Variants in NRP1 observed in about 807,000 individuals in gnomAD.
NRP1 encodes neuropilin 1.
A neutral mutation model predicts 106.7 loss-of-function variants in NRP1; 35 were observed. The observed-to-expected ratio is 0.33, with a 90% CI of 0.25 to 0.43. The LOEUF (loss-of-function observed/expected upper bound fraction) is 0.43, where lower values mean the gene tolerates loss of function less well. Among genes scored for constraint, NRP1 ranks in the 20% least tolerant of loss-of-function variants. The probability of loss-of-function intolerance (pLI) is 1.00; values close to 1 mark genes in which losing one functional copy is unlikely to be tolerated. For missense variants in NRP1, 1,024 were observed against 1,170.4 expected (o/e 0.87, Z 1.83); for synonymous variants, 437 against 417.9 (o/e 1.05, Z -0.56).
At chr10:33,278,238 T>C (rs1843856874) in intron 2 of NRP1, among the ~76,000 whole-genome samples, 2 of 152,162 alleles carry the variant, frequency 1.3e-5, no homozygotes, top group African/African-American at 4.8e-5. Flanking sequence ...TTCCCCACCA[T>C]TGAACTCCTT....
At chr10:33,298,973 G>A (rs1845611553) in intron 2 of NRP1, among the ~76,000 whole-genome samples, 1 of 152,100 alleles carries the variant, frequency 6.6e-6, no homozygotes, top group Non-Finnish European at 1.5e-5. Flanking sequence ...GCACTTATTT[G>A]TGCTGGGAAC....
intron 5 of NRP1, among the ~76,000 whole-genome samples, chr10:33,254,620 A>G (rs1842079716): frequency 1.3e-5 from 2 of 152,336 alleles, no homozygotes; most frequent in South Asian, 4.1e-4. Flanking sequence ...CTCTATGTCT[A>G]GTTACAATTC....
chr10:33,311,052 G>A (rs973845054), intron 2 of NRP1, among the ~76,000 whole-genome samples: 6 of 152,190 alleles, frequency 3.9e-5, no homozygotes, highest in South Asian at 2.1e-4. Flanking sequence ...TGAGTGTAAA[G>A]GGGTTGATTG....
chr10:33,220,104 C>A (rs1283825820), intron 8 of NRP1, among the ~76,000 whole-genome samples: 1 of 152,156 alleles, frequency 6.6e-6, no homozygotes, highest in African/African-American at 2.4e-5. Context: ...ACAAGTCTGT[C>A]TGTGGGATGG....
chr10:33,256,170 TAAA>T, intron 5 of NRP1, 143 bp downstream of exon 5: 1 of 765,476 alleles, frequency 1.3e-6, no homozygotes, highest in Non-Finnish European at 2.1e-6. Context: ...TTGATACTCA[TAAA>T]AAAACATTTA....
At position 33,183,918 on chromosome 10, in the gene NRP1, C is replaced by T. The variant is rs556324380; in HGVS notation, c.2432-1170G>A. Among the ~76,000 whole-genome samples, 52 of 152,320 alleles carry T rather than the reference C, an allele frequency of 3.4e-4. 1 individual carries two copies. In the South Asian group the frequency reaches 7.5e-3, roughly 22 times the overall value. ...TTCCCACTACAATGTCTGGCAGCAA[C>T]TACAGCTAAATGGACAAATCACAAG... On this transcript the variant is annotated intron_variant, in intron 15 of 16. Coordinates refer to ENST00000374867, the MANE Select transcript of NRP1 (RefSeq NM_003873.7).
chr10:33,211,624 T>A (rs1225935961), intron 9 of NRP1: 1 of 152,262 alleles, frequency 6.6e-6, no homozygotes, highest in Non-Finnish European at 1.5e-5. Context: ...GCTCTAGTGG[T>A]AGCCGGTGGC....
Position 33,268,587 on chromosome 10 carries a change from A to G in NRP1, c.430+2088T>C, listed in dbSNP as rs540651263. Among the ~76,000 whole-genome samples, 9 of 152,336 alleles carry G rather than the reference A, an allele frequency of 5.9e-5. No homozygotes were observed. The South Asian group carries it at 1.9e-3, about 32-fold the overall frequency. ...TTGGAAGGAACACAAAGAATTCTTC[A>G]TGAGTTAGTGACAAATCTCTCTTTT... On this transcript the variant is annotated intron_variant, in intron 3 of 16. Coordinates refer to ENST00000374867, the MANE Select transcript of NRP1 (RefSeq NM_003873.7).
rs577527965 is a variant in NRP1, at chr10:33,269,974, T to C, written c.430+701A>G. ...ATTATATATTACAAAGTAATGATGA[T>C]AGGAATAAAGTGCACAATAAATGTA... On this transcript the variant is annotated intron_variant, in intron 3 of 16. Transcript: ENST00000374867. 7.2e-4 allele frequency among the ~76,000 whole-genome samples: 109 copies of C among 152,332 alleles called. 1 individual carries two copies. Among genetic ancestry groups the C allele is most frequent in the African/African-American group, 2.6e-3 (109 of 41,572 alleles).
intron 2 of NRP1, 91 bp from the exon 3 acceptor site, chr10:33,270,947 G>C: frequency 8.7e-7 from 1 of 1,143,528 alleles, no homozygotes; most frequent in Non-Finnish European, 1.2e-6. Flanking sequence ...CCAGCATAGT[G>C]TGCCAGGAAG....
At chr10:33,243,894 G>A (rs1373126913) in intron 6 of NRP1, among the ~76,000 whole-genome samples, 1 of 150,826 alleles carries the variant, frequency 6.6e-6, no homozygotes, top group African/African-American at 2.4e-5. Flanking sequence ...GGGAGGGAGG[G>A]AGGGAAGGAG....
In NRP1 at chr10:33,180,256, CATGGCTATG is replaced by C; in HGVS notation, c.2583_2591del (p.Ile861_Ala863del). On this transcript the variant is annotated inframe_deletion, in exon 17 of 17. Coordinates refer to ENST00000374867, the MANE Select transcript of NRP1 (RefSeq NM_003873.7). The stretch of plus-strand genomic sequence containing the variant: ...CCCCCAGGAGGACCCCCAGGGCACT[CATGGCTATG>C]ATGGTGATGAGGATGGGGTCTAAGG... 1 of 1,614,152 alleles carries C rather than the reference CATGGCTATG, an allele frequency of 6.2e-7. No homozygotes were observed. Among genetic ancestry groups the C allele is most frequent in the Non-Finnish European group, 8.5e-7 (1 of 1,180,028 alleles).
At position 33,230,844 on chromosome 10, in the gene NRP1, A is replaced by G. The variant is rs191198238; in HGVS notation, c.982-4555T>C. ...AATATTAATGCCTTTTTTCCTGTTAATCTGTCTTTTGTCAGTTTAATTTGC... is the reference window on the plus strand; with the variant it reads ...AATATTAATGCCTTTTTTCCTGTTAGTCTGTCTTTTGTCAGTTTAATTTGC... On this transcript the variant is annotated intron_variant, in intron 6 of 16. Transcript: ENST00000374867. Among the ~76,000 whole-genome samples the G allele has an allele frequency of 1.6e-3, 247 of 152,198 alleles. 1 individual carries two copies. Among genetic ancestry groups the G allele is most frequent in the Non-Finnish European group, 2.9e-3 (200 of 68,006 alleles).
intron 2 of NRP1, among the ~76,000 whole-genome samples, chr10:33,319,532 CTGGTGCTCACTCTTTGCGG>C (rs1847304427): frequency 6.6e-6 from 1 of 151,386 alleles, no homozygotes; most frequent in Non-Finnish European, 1.5e-5. Flanking sequence ...ATAAATCTTG[CTGGTGCTCACTCTTTGCGG>C]TGGTGCCATC....
At chr10:33,307,722 T>C (rs1846272489) in intron 2 of NRP1, among the ~76,000 whole-genome samples, 1 of 152,214 alleles carries the variant, frequency 6.6e-6, no homozygotes, top group Non-Finnish European at 1.5e-5. Context: ...TTTATAATTA[T>C]TTATAATCTT....
At chr10:33,239,975 A>T (rs1488570510) in intron 6 of NRP1, among the ~76,000 whole-genome samples, 2 of 152,254 alleles carry the variant, frequency 1.3e-5, no homozygotes, top group Non-Finnish European at 2.9e-5. Flanking sequence ...AAATGGTTTT[A>T]CCAAATTAAC....
At chr10:33,221,388 A>G (rs1045667904) in intron 8 of NRP1, among the ~76,000 whole-genome samples, 1 of 152,200 alleles carries the variant, frequency 6.6e-6, no homozygotes, top group Admixed American at 6.5e-5. Flanking sequence ...AGCACCTACC[A>G]CATGCCAGGC....
chr10:33,204,442 T>G (rs1476408144), intron 10 of NRP1, among the ~76,000 whole-genome samples: 1 of 152,250 alleles, frequency 6.6e-6, no homozygotes, highest in Non-Finnish European at 1.5e-5. Context: ...CTGTATTTAT[T>G]GCTCTTGCTG....
At chr10:33,308,409 T>C (rs560357761) in intron 2 of NRP1, among the ~76,000 whole-genome samples, 27 of 150,284 alleles carry the variant, frequency 1.8e-4, no homozygotes, top group Middle Eastern at 3.5e-3. Flanking sequence ...AATATATATA[T>C]TTAAGAGCCT....
Sources: gnomAD v4.1 joint callset for allele counts (sites outside exome capture counted in the v4.1 genomes callset) on GRCh38, gnomAD v4.1.1 for gene constraint, MANE v1.5 for transcripts, NCBI Gene and HGNC (gene_info 2026-07-23, HGNC 2026-07-21) for gene names.